The following ENPP2 variants were observed in gnomAD, a reference collection of about 807,000 sequenced individuals.
The protein encoded by ENPP2 is ectonucleotide pyrophosphatase/phosphodiesterase 2.
ENPP2 carries 51 observed loss-of-function variants against 120.2 expected under a neutral mutation model. That is an observed-to-expected ratio of 0.42 (90% CI 0.34 to 0.54). ENPP2 has a LOEUF of 0.54. Ranked by LOEUF, ENPP2 falls within the 20% of genes least tolerant of loss-of-function variation. The pLI, the probability that ENPP2 is intolerant of heterozygous loss-of-function variation, is 0.04. For missense variants in ENPP2, 920 were observed against 1,066.5 expected (o/e 0.86, Z 1.91); for synonymous variants, 365 against 366.4 (o/e 1.00, Z 0.04).
rs755505037 is a variant in ENPP2 at position 119,562,863 on chromosome 8, G to T, written c.2415C>A (p.Ser805Arg). 19 of 1,613,828 alleles carry T rather than the reference G, an allele frequency of 1.2e-5. No individual in the cohort carries two copies. The highest frequency in any genetic ancestry group is 8.5e-7 in the Non-Finnish European group (1 of 1,179,904). The change falls in exon 24 of 25, where the codon AGC becomes AGA. Residue 805 changes from serine (S) to arginine (R), a missense_variant. By Grantham distance (110) the Ser-to-Arg change is moderately radical (BLOSUM62 -1). Transcript: ENST00000075322. ...ACTCTCTCTGTAAACTCACATTGCAGCTCTCCTCGTTGTCAGGCCGGTGAG... is the reference window on the plus strand; with the variant it reads ...ACTCTCTCTGTAAACTCACATTGCATCTCTCCTCGTTGTCAGGCCGGTGAG... Reference protein sequence around the residue: ...ILPHRPDNEESCNSSEDESKW... With the variant: ...ILPHRPDNEERCNSSEDESKW...
chr8:119,608,084 C>CTGT, intron 8 of ENPP2, 107 bp from the exon 9 acceptor site: 1 of 583,858 alleles, frequency 1.7e-6, no homozygotes, highest in African/African-American at 1.9e-5. Context: ...TACTCACACC[C>CTGT]CAACATAAAT....
intron 18 of ENPP2, among the ~76,000 whole-genome samples, chr8:119,581,685 C>T (rs1812747473): frequency 6.6e-6 from 1 of 152,104 alleles, no homozygotes; most frequent in South Asian, 2.1e-4. Flanking sequence ...GAATTCCATC[C>T]ACCCTGCTCA....
chr8:119,600,832 A>T (rs541687174), intron 10 of ENPP2, 82 bp from the exon 11 acceptor site: 15 of 752,434 alleles, frequency 2.0e-5, no homozygotes, highest in East Asian at 5.5e-5. Context: ...AAACGCATTT[A>T]AAAAAAAATG....
intron 9 of ENPP2, among the ~76,000 whole-genome samples, chr8:119,607,317 C>G (rs903408490): frequency 2.0e-5 from 3 of 152,082 alleles, no homozygotes; most frequent in African/African-American, 7.2e-5. Context: ...TTACCAAAAA[C>G]CTACAAACAG....
exon 1 of ENPP2, chr8:119,673,260 C>A: frequency 2.0e-6 from 3 of 1,535,198 alleles, no homozygotes; most frequent in African/African-American, 1.4e-5. Context: ...ACCCGATCGG[C>A]GTGGCGGGTC....
intron 1 of ENPP2, among the ~76,000 whole-genome samples, chr8:119,665,684 G>A (rs1051522480): frequency 2.0e-5 from 3 of 151,974 alleles, no homozygotes; most frequent in African/African-American, 7.3e-5. Context: ...TAATTTATAG[G>A]ACTAATAAGT....
chr8:119,636,449 T>A (rs1817004500), intron 2 of ENPP2, among the ~76,000 whole-genome samples: 1 of 152,344 alleles, frequency 6.6e-6, no homozygotes, highest in African/African-American at 2.4e-5. Flanking sequence ...CATTGTATTC[T>A]AAGACTAAGC....
intron 2 of ENPP2, among the ~76,000 whole-genome samples, chr8:119,637,008 C>A (rs1817037201): frequency 6.6e-6 from 1 of 152,024 alleles, no homozygotes; most frequent in African/African-American, 2.4e-5. Context: ...GCATTTAATT[C>A]TTTCAATCTC....
chr8:119,637,280 G>C (rs1034222665), intron 2 of ENPP2, among the ~76,000 whole-genome samples: 2 of 152,000 alleles, frequency 1.3e-5, no homozygotes, highest in Non-Finnish European at 2.9e-5. Context: ...AACAGAAGAC[G>C]ACTCATTTTG....
intron 8 of ENPP2, among the ~76,000 whole-genome samples, chr8:119,610,420 A>T (rs1026791009): frequency 2.0e-5 from 3 of 151,880 alleles, no homozygotes; most frequent in Non-Finnish European, 2.9e-5. Flanking sequence ...CATTTTCCCA[A>T]GGGGGGGAAA....
chr8:119,654,065 ATATAT>A (rs948215525), intron 1 of ENPP2, among the ~76,000 whole-genome samples: 7 of 145,140 alleles, frequency 4.8e-5, no homozygotes, highest in Non-Finnish European at 1.0e-4. Flanking sequence ...GAGACATATT[ATATAT>A]TATATTATAT....
chr8:119,590,647 A>G lies in ENPP2; in HGVS notation c.1082-17T>C, dbSNP rs1319136018. The G allele has an allele frequency of 2.0e-6, 3 of 1,486,678 alleles. No homozygotes were observed. The highest frequency in any genetic ancestry group is 5.0e-5 in the East Asian group (2 of 39,632). 92.1% of individuals were successfully genotyped at this position (1,486,678 alleles called of 1,614,324 possible). A position where few individuals can be genotyped will look rare whatever the true frequency, so the allele number is the denominator to read the frequency against. On this transcript the variant is annotated splice_polypyrimidine_tract_variant and intron_variant, in intron 12 of 24. Coordinates refer to ENST00000075322, the MANE Select transcript of ENPP2 (RefSeq NM_001040092.3). Reference sequence around the variant, plus strand: ...CTTCCATTCCTATGGGGAGGGAGAAAAAGAATATTTTCAGGCAAGACTAAA... The same window carrying G: ...CTTCCATTCCTATGGGGAGGGAGAAGAAGAATATTTTCAGGCAAGACTAAA...
chr8:119,610,464 G>A (rs1168227797), intron 8 of ENPP2, among the ~76,000 whole-genome samples: 2 of 151,372 alleles, frequency 1.3e-5, no homozygotes, highest in African/African-American at 4.9e-5. Context: ...AAGAAGAAAA[G>A]TGAATACAAG....
chr8:119,608,002 T>A, intron 8 of ENPP2, 25 bp from the exon 9 acceptor site: 1 of 1,553,792 alleles, frequency 6.4e-7, no homozygotes, highest in Non-Finnish European at 8.8e-7. Flanking sequence ...ATAAGCGGCT[T>A]AAAATGTGTT....
intron 11 of ENPP2, among the ~76,000 whole-genome samples, chr8:119,599,109 T>G (rs1215633511): frequency 1.3e-5 from 2 of 152,240 alleles, no homozygotes; most frequent in Non-Finnish European, 2.9e-5. Context: ...CCATTCTTGC[T>G]TTGGTGTTCT....
At position 119,646,541 on chromosome 8, in the gene ENPP2, C is replaced by T. The variant is rs549992099; in HGVS notation, c.22-8014G>A. On this transcript the variant is annotated intron_variant, in intron 1 of 25. Coordinates refer to the ENPP2 transcript ENST00000427067. ...TAACCAGGCTCATAGGACCCTAGAT[C>T]CAAAACTAAACTCCCTAAATTCAAA... Among the ~76,000 whole-genome samples the T allele has an allele frequency of 2.4e-4, 36 of 152,282 alleles. No individual in the cohort carries two copies. The South Asian group carries it at 7.3e-3, about 31-fold the overall frequency.
intron 17 of ENPP2, among the ~76,000 whole-genome samples, chr8:119,583,109 T>C (rs901750076): frequency 6.6e-6 from 1 of 152,170 alleles, no homozygotes; most frequent in Non-Finnish European, 1.5e-5. Context: ...AACAGGCTGA[T>C]TTCATAGCAA....
chr8:119,562,053 C>T (rs962689759), intron 24 of ENPP2, among the ~76,000 whole-genome samples: 3 of 151,792 alleles, frequency 2.0e-5, no homozygotes, highest in South Asian at 2.1e-4. Context: ...AGGAGAATGG[C>T]GTGAGCCCGG....
At chr8:119,670,028 G>T (rs1818194814) in intron 1 of ENPP2, among the ~76,000 whole-genome samples, 2 of 152,168 alleles carry the variant, frequency 1.3e-5, no homozygotes, top group Non-Finnish European at 2.9e-5. Flanking sequence ...GCTTATCCAA[G>T]GACTCTTACA....
Sources: gnomAD v4.1 joint callset for allele counts (sites outside exome capture counted in the v4.1 genomes callset) on GRCh38, gnomAD v4.1.1 for gene constraint, MANE v1.5 for transcripts, NCBI Gene and HGNC (gene_info 2026-07-23, HGNC 2026-07-21) for gene names.